Variants in CELSR3 observed in about 807,000 individuals in gnomAD.
The protein encoded by CELSR3 is EGF-like protein 1.
In CELSR3, 73 loss-of-function variants were observed where a neutral mutation model predicts 270.0. The ratio of observed to expected loss-of-function variants is 0.27; its 90% CI spans 0.22 to 0.33. The LOEUF (loss-of-function observed/expected upper bound fraction) is 0.33. Ranked by LOEUF, CELSR3 falls within the 10% of genes least tolerant of loss-of-function variation. The probability of loss-of-function intolerance (pLI) is 1.00; values close to 1 mark genes in which losing one functional copy is unlikely to be tolerated. For missense variants in CELSR3, 3,614 were observed against 4,533.8 expected (o/e 0.80, Z 5.83); for synonymous variants, 1,780 against 1,905.4 (o/e 0.93, Z 1.71).
chr3:48,648,403 G>A lies in CELSR3; in HGVS notation c.6836C>T (p.Ala2279Val), dbSNP rs144562495. 470 of 1,607,240 alleles carry A rather than the reference G, an allele frequency of 2.9e-4. No individual in the cohort carries two copies. Among genetic ancestry groups the A allele is most frequent in the Non-Finnish European group, 3.8e-4 (446 of 1,177,726 alleles). Residue 2279 changes from alanine to valine, a missense_variant, in exon 19 of 35, where the codon GCG becomes GTG. Around this residue, in one of 7 missense-constraint regions of CELSR3, gnomAD observed 1,331 missense variants for 1,933.7 expected, o/e 0.69. Coordinates refer to ENST00000164024, the MANE Select transcript of CELSR3 (RefSeq NM_001407.3). ...LAPETGDLWA[A>V]LGQRAPGGSP... Reference sequence around the variant, plus strand: ...GCCCCCAGGGGCCCGCTGCCCCAGCGCCGCCCACAAGTCCCCTGTCTCTGG... The same window carrying A: ...GCCCCCAGGGGCCCGCTGCCCCAGCACCGCCCACAAGTCCCCTGTCTCTGG...
At chr3:48,656,497 TTCC>T in intron 2 of CELSR3, 132 bp from the exon 3 acceptor site, 1 of 1,125,232 alleles carries the variant, frequency 8.9e-7, no homozygotes, top group Non-Finnish European at 1.2e-6. Context: ...GACACGCCCC[TTCC>T]GTCTGGCCCC....
Position 48,653,546 on chromosome 3 carries a change from A to T in CELSR3, c.5448+73T>A. 2 of 1,555,378 alleles carry T rather than the reference A, an allele frequency of 1.3e-6. No homozygotes were observed. Among genetic ancestry groups the T allele is most frequent in the Non-Finnish European group, 1.8e-6 (2 of 1,140,586 alleles). ...AAAAGTATGCTGTGTGACCAACCTGAACCCACAAGAATGTCAGTGGCGGCC... is the reference window on the plus strand; with the variant it reads ...AAAAGTATGCTGTGTGACCAACCTGTACCCACAAGAATGTCAGTGGCGGCC... On this transcript the variant is annotated intron_variant, in intron 9 of 34. Transcript: ENST00000164024. This position sits in a 1 kb window ranked among gnomAD's most constrained non-coding sequence, Gnocchi z 6.5.
At position 48,641,964 on chromosome 3, in the gene CELSR3, C is replaced by T; in HGVS notation, c.8711G>A (p.Arg2904Lys). The T allele has an allele frequency of 6.3e-7, 1 of 1,589,206 alleles. No homozygotes were observed. The highest frequency in any genetic ancestry group is 8.5e-7 in the Non-Finnish European group (1 of 1,171,562). The change falls in exon 32 of 35, where the codon AGG (arginine) becomes AAG (lysine). Residue 2904 changes from arginine to lysine, a missense_variant. Physicochemically the swap from Arg to Lys is conservative, Grantham distance 26 (BLOSUM62 2). Transcript: ENST00000164024. The surrounding 1 kb of genome is among the most constrained non-coding windows in gnomAD (Gnocchi z 4.8). ...TTCTGAAGATGGAATGGAGAGACTC[C>T]TCTCCTCCTCCAAGGACAGGTCACT... ...SDSDLSLEEERSLSIPSSESE... is the reference protein window; with the variant it reads ...SDSDLSLEEEKSLSIPSSESE...
In CELSR3 at chr3:48,662,474, G is replaced by A. The variant is rs1184810832; in HGVS notation, c.161C>T (p.Ala54Val). 2.5e-6 allele frequency: 4 copies of A among 1,612,590 alleles called. No individual in the cohort carries two copies. The highest frequency in any genetic ancestry group is 3.4e-6 in the Non-Finnish European group (4 of 1,179,864). The change falls in exon 1 of 35, where the codon GCG (alanine) becomes GTG (valine). Residue 54 changes from alanine to valine, a missense_variant. Coordinates refer to ENST00000164024, the MANE Select transcript of CELSR3 (RefSeq NM_001407.3). The surrounding 1 kb of genome is among the most constrained non-coding windows in gnomAD (Gnocchi z 7.1). ...PGLAATTGPR[A>V]HIGGGALALC... Reference sequence around the variant, plus strand: ...AGCTAAGGCTCCGCCACCGATATGCGCCCTTGGCCCCGTAGTGGCAGCTAA... The same window carrying A: ...AGCTAAGGCTCCGCCACCGATATGCACCCTTGGCCCCGTAGTGGCAGCTAA...
rs780695659 is a variant in CELSR3, at chr3:48,660,928, G to A, written c.1707C>T (p.Ala569=). The A allele has an allele frequency of 1.2e-6, 2 of 1,613,950 alleles. No individual in the cohort carries two copies. Among genetic ancestry groups the A allele is most frequent in the South Asian group, 2.2e-5 (2 of 91,088 alleles). ...CGTTGGCGTCCTTGTCCCGGTCAGT[G>A]GCCGTGACGCGCAGCACGACTGTGT... ...RPHTVVLRVT[A]TDRDKDANGL... is the part of the protein sequence containing the mutation. The change falls in exon 1 of 35, where the codon GCC becomes GCT. Residue 569 remains alanine, a synonymous_variant. Coordinates refer to ENST00000164024, the MANE Select transcript of CELSR3 (RefSeq NM_001407.3). The surrounding 1 kb of genome is among the most constrained non-coding windows in gnomAD (Gnocchi z 5.5).
chr3:48,651,008 G>C lies in CELSR3; in HGVS notation c.6254C>G (p.Thr2085Ser). ...GCTGTGGGGTGCACATGAGCGCGAG[G>C]TGGAGCCCACAGGGTAGCAGTCACA... The part of the protein sequence containing the change: ...LPCDCYPVGS[T>S]SRSCAPHSGQ... The change falls in exon 15 of 35, where the codon ACC becomes AGC. Residue 2085 changes from threonine (T) to serine (S), a missense_variant. Thr to Ser is a moderately conservative substitution (Grantham distance 58). Coordinates refer to ENST00000164024, the MANE Select transcript of CELSR3 (RefSeq NM_001407.3). The surrounding 1 kb of genome is among the most constrained non-coding windows in gnomAD (Gnocchi z 7.4). The C allele has an allele frequency of 1.9e-6, 3 of 1,606,978 alleles. No individual in the cohort carries two copies. Among genetic ancestry groups the C allele is most frequent in the South Asian group, 1.1e-5 (1 of 90,236 alleles).
In CELSR3 at chr3:48,641,602, A is replaced by G; in HGVS notation, c.8825-78T>C. On this transcript the variant is annotated intron_variant, in intron 32 of 34. Transcript: ENST00000164024. This position sits in a 1 kb window ranked among gnomAD's most constrained non-coding sequence, Gnocchi z 4.8. ...TGACCCCTGACCCTAATGACCCTTG[A>G]AACCCTGGCTGTTCTCATTGAGCAG... 8.9e-7 allele frequency: 1 copy of G among 1,129,032 alleles called. No homozygotes were observed. The highest frequency in any genetic ancestry group is 1.3e-6 in the Non-Finnish European group (1 of 765,392). 69.9% of individuals were successfully genotyped at this position (1,129,032 alleles called of 1,614,324 possible).
chr3:48,641,249 G>T lies in CELSR3; in HGVS notation c.9025+75C>A. 1.0e-6 allele frequency: 1 copy of T among 968,010 alleles called. No individual in the cohort carries two copies. Among genetic ancestry groups the T allele is most frequent in the Non-Finnish European group, 1.6e-6 (1 of 612,672 alleles). The allele number at this position is 968,010 out of a possible 1,614,324, so 60.0% of individuals were successfully genotyped here. ...AGAGCTCTCAGTTTGGGATGAGGAA[G>T]CTGCAATCCCTTGGCTCAGGGCATG... On this transcript the variant is annotated intron_variant, in intron 33 of 34. Transcript: ENST00000164024. The surrounding 1 kb of genome is among the most constrained non-coding windows in gnomAD (Gnocchi z 4.8).
rs760126165 is a variant in CELSR3, at chr3:48,652,488, C to T, written c.5700G>A (p.Leu1900=). 4 of 1,613,592 alleles carry T rather than the reference C, an allele frequency of 2.5e-6. No homozygotes were observed. The African/African-American group carries it at 4.0e-5, about 16-fold the overall frequency. Residue 1900 remains leucine (L), a synonymous_variant, in exon 11 of 35, where the codon CTG becomes CTA. Transcript: ENST00000164024. This position sits in a 1 kb window ranked among gnomAD's most constrained non-coding sequence, Gnocchi z 4.3. ...LKVKQLHVGG[L]PPGSAEEAPQ... ...GAGCCTCCTCTGCACTGCCGGGGGG[C>T]AGGCCTCCCACGTGGAGCTGCTTTA...
At position 48,661,039 on chromosome 3, in the gene CELSR3, G is replaced by A. The variant is rs1210426498; in HGVS notation, c.1596C>T (p.His532=). ...TGTCGTTCTCGTCTAGCACAGTTAT[G>A]TGTACGCGCACAGTGGCCGAGCGCG... The part of the protein sequence containing the change: ...PGPRSATVRV[H]ITVLDENDNA... Residue 532 remains histidine (H), a synonymous_variant, in exon 1 of 35, where the codon CAC becomes CAT. Transcript: ENST00000164024. 1.2e-6 allele frequency: 2 copies of A among 1,613,730 alleles called. No individual in the cohort carries two copies. Among genetic ancestry groups the A allele is most frequent in the Non-Finnish European group, 1.7e-6 (2 of 1,180,038 alleles).
At position 48,651,228 on chromosome 3, in the gene CELSR3, A is replaced by G; in HGVS notation, c.6186+131T>C. The G allele has an allele frequency of 6.7e-7, 1 of 1,498,538 alleles. No homozygotes were observed. 92.8% of individuals were successfully genotyped at this position (1,498,538 alleles called of 1,614,324 possible). A position where few individuals can be genotyped will look rare whatever the true frequency, so the allele number is the denominator to read the frequency against. The stretch of plus-strand genomic sequence containing the variant: ...AGGGAGGGGTCACGGGTAAAGGATG[A>G]GAGACAGCAACTTGGTCACAGGACA... On this transcript the variant is annotated intron_variant, in intron 14 of 34. Coordinates refer to ENST00000164024, the MANE Select transcript of CELSR3 (RefSeq NM_001407.3). This position sits in a 1 kb window ranked among gnomAD's most constrained non-coding sequence, Gnocchi z 7.4.
intron 28 of CELSR3, 106 bp downstream of exon 28, chr3:48,643,448 C>T: frequency 1.4e-6 from 2 of 1,423,082 alleles, no homozygotes; most frequent in Non-Finnish European, 1.9e-6. Flanking sequence ...GCAAAGTTAT[C>T]CAGTAAGAGT....
At position 48,639,560 on chromosome 3, in the gene CELSR3, G is replaced by C. The variant is rs912674134; in HGVS notation, c.9911+114C>G. The C allele has an allele frequency of 3.5e-6, 5 of 1,414,602 alleles. No individual in the cohort carries two copies. In the African/African-American group the frequency reaches 7.1e-5, roughly 20 times the overall value. The allele number at this position is 1,414,602 out of a possible 1,614,324, so 87.6% of individuals were successfully genotyped here. A position where few individuals can be genotyped will look rare whatever the true frequency, so the allele number is the denominator to read the frequency against. Reference sequence around the variant, plus strand: ...CTCTGGCTGTGCTGAGCCTGGGGTAGCCCACACCTGTCTGCCAGCCCTCAT... The same window carrying C: ...CTCTGGCTGTGCTGAGCCTGGGGTACCCCACACCTGTCTGCCAGCCCTCAT... On this transcript the variant is annotated intron_variant, in intron 34 of 34. Transcript: ENST00000164024. This position sits in a 1 kb window ranked among gnomAD's most constrained non-coding sequence, Gnocchi z 4.1.
Position 48,646,939 on chromosome 3 carries a change from A to G in CELSR3, c.7130-11T>C. 1 of 1,511,320 alleles carries G rather than the reference A, an allele frequency of 6.6e-7. No homozygotes were observed. The highest frequency in any genetic ancestry group is 8.8e-7 in the Non-Finnish European group (1 of 1,133,674). The allele number at this position is 1,511,320 out of a possible 1,614,324, so 93.6% of individuals were successfully genotyped here. ...TGCTTGTGGGCAGAACTGCCAGGAGAGAAGGAGGAGCTTCTGTCAGTGACC... is the reference window on the plus strand; with the variant it reads ...TGCTTGTGGGCAGAACTGCCAGGAGGGAAGGAGGAGCTTCTGTCAGTGACC... On this transcript the variant is annotated splice_polypyrimidine_tract_variant and intron_variant, in intron 20 of 34. Transcript: ENST00000164024. The surrounding 1 kb of genome is among the most constrained non-coding windows in gnomAD (Gnocchi z 4.8).
chr3:48,640,884 A>G lies in CELSR3; in HGVS notation c.9026-325T>C, dbSNP rs2047020006. 5 of 444,158 alleles carry G rather than the reference A, an allele frequency of 1.1e-5. No individual in the cohort carries two copies. Among genetic ancestry groups the G allele is most frequent in the Non-Finnish European group, 2.0e-5 (5 of 249,420 alleles). The allele number at this position is 444,158 out of a possible 1,614,324, so 27.5% of individuals were successfully genotyped here. On this transcript the variant is annotated intron_variant, in intron 33 of 34. Transcript: ENST00000164024. This position sits in a 1 kb window ranked among gnomAD's most constrained non-coding sequence, Gnocchi z 7.5. ...TCCTGACAATGCAGGCCTGGCTGAA[A>G]TGCAGGAACCCCCCGGGTTGGACAG...
Position 48,637,445 on chromosome 3 carries a change from C to T in CELSR3, c.*760G>A, listed in dbSNP as rs1681316000. The stretch of plus-strand genomic sequence containing the variant: ...CAGGTGAATGACCCCTCCACCGACC[C>T]TCTGCAGGAATGTCTGACTAGAGGC... On this transcript the variant is annotated 3_prime_UTR_variant, in exon 35 of 35. Coordinates refer to ENST00000164024, the MANE Select transcript of CELSR3 (RefSeq NM_001407.3). The T allele has an allele frequency of 6.6e-6, 1 of 152,624 alleles. No homozygotes were observed. Among genetic ancestry groups the T allele is most frequent in the Admixed American group, 6.5e-5 (1 of 15,294 alleles). The allele number at this position is 152,624 out of a possible 1,614,324, so 9.5% of individuals were successfully genotyped here.
At position 48,646,971 on chromosome 3, in the gene CELSR3, C is replaced by T; in HGVS notation, c.7130-43G>A. On this transcript the variant is annotated intron_variant, in intron 20 of 34. Coordinates refer to ENST00000164024, the MANE Select transcript of CELSR3 (RefSeq NM_001407.3). This position sits in a 1 kb window ranked among gnomAD's most constrained non-coding sequence, Gnocchi z 4.8. ...GGAGCTTCTGTCAGTGACCTTTGAC[C>T]CAAAGCACCCACCAACCCAGCTCTG... 2 of 1,470,060 alleles carry T rather than the reference C, an allele frequency of 1.4e-6. No individual in the cohort carries two copies. Among genetic ancestry groups the T allele is most frequent in the Non-Finnish European group, 1.8e-6 (2 of 1,111,716 alleles). 91.1% of individuals were successfully genotyped at this position (1,470,060 alleles called of 1,614,324 possible). A position where few individuals can be genotyped will look rare whatever the true frequency, so the allele number is the denominator to read the frequency against.
At position 48,649,571 on chromosome 3, in the gene CELSR3, GAC is replaced by G. The variant is rs541228377; in HGVS notation, c.6473-358_6473-357del. On this transcript the variant is annotated intron_variant, in intron 16 of 34. Transcript: ENST00000164024. Reference sequence around the variant, plus strand: ...GATGTATGGACCAGACCAGTACGCAGACACACAATGCTCTCTCGCACACACAC... The same window carrying G: ...GATGTATGGACCAGACCAGTACGCAGACACAATGCTCTCTCGCACACACAC... Among the ~76,000 whole-genome samples, 20 of 152,268 alleles carry G rather than the reference GAC, an allele frequency of 1.3e-4. No homozygotes were observed. In the South Asian group the frequency reaches 3.9e-3, roughly 30 times the overall value.
Position 48,660,210 on chromosome 3 carries a change from C to G in CELSR3, c.2425G>C (p.Gly809Arg). 1 of 1,614,132 alleles carries G rather than the reference C, an allele frequency of 6.2e-7. No homozygotes were observed. Among genetic ancestry groups the G allele is most frequent in the Non-Finnish European group, 8.5e-7 (1 of 1,180,044 alleles). Residue 809 changes from glycine to arginine, a missense_variant, in exon 1 of 35, where the codon GGT (glycine) becomes CGT (arginine). Gly to Arg is a moderately radical substitution (Grantham distance 125, BLOSUM62 -2). Coordinates refer to ENST00000164024, the MANE Select transcript of CELSR3 (RefSeq NM_001407.3). The surrounding 1 kb of genome is among the most constrained non-coding windows in gnomAD (Gnocchi z 5.5). ...AGAGCCAGAGTCACCAGACCCACAC[C>G]CCCCTGGGTGCTGATGGCAAAGCGA... ...RNRFAISTQG[G>R]VGLVTLALPL...
Sources: gnomAD v4.1 joint callset for allele counts (sites outside exome capture counted in the v4.1 genomes callset) on GRCh38, gnomAD v4.1.1 for gene constraint, gnomAD v4.1.1 regional missense constraint, Gnocchi (gnomAD v3.1) non-coding constraint, MANE v1.5 for transcripts, NCBI Gene and HGNC (gene_info 2026-07-23, HGNC 2026-07-21) for gene names.